CKMT2: variants seen among roughly 807,000 people sequenced by gnomAD.
CKMT2 encodes the protein creatine kinase, mitochondrial 2, also known as creatine kinase S-type, mitochondrial.
In CKMT2, 43 loss-of-function variants were observed where a neutral mutation model predicts 48.9. The observed-to-expected ratio is 0.88, with a 90% CI of 0.69 to 1.13. The LOEUF is 1.13. Ranked by LOEUF, CKMT2 falls within the 50% of genes most tolerant of loss-of-function variation. The probability of loss-of-function intolerance (pLI) is 0.00; values close to 1 mark genes in which losing one functional copy is unlikely to be tolerated. For missense variants in CKMT2, 472 were observed against 555.4 expected (o/e 0.85, Z 1.51); for synonymous variants, 206 against 213.0 (o/e 0.97, Z 0.29).
At position 81,257,778 on chromosome 5, in the gene CKMT2, T is replaced by A. The variant is rs759902901; in HGVS notation, c.801T>A (p.Asp267Glu). ...TTCTCATCTGGATAAATGAGGAGGA[T>A]CACACCAGGGTAATCTCAATGGAAA... Reference protein sequence around the residue: ...KTFLIWINEEDHTRVISMEKG... With the variant: ...KTFLIWINEEEHTRVISMEKG... Residue 267 changes from aspartate to glutamate, a missense_variant, in exon 7 of 10, where the codon GAT becomes GAA. Physicochemically the swap from Asp to Glu is conservative, Grantham distance 45. Transcript: ENST00000254035. 1.2e-6 allele frequency: 2 copies of A among 1,612,862 alleles called. No individual in the cohort carries two copies. The highest frequency in any genetic ancestry group is 2.2e-5 in the South Asian group (2 of 91,038).
In CKMT2 at chr5:81,240,124, C is replaced by T. The variant is rs369221614; in HGVS notation, c.-21+6747C>T. Among the ~76,000 whole-genome samples the T allele has an allele frequency of 2.0e-5, 3 of 152,218 alleles. No homozygotes were observed. The East Asian group carries it at 5.8e-4, about 29-fold the overall frequency. ...GTGTCATTCACCCACTTGCCCTTGA[C>T]TCACATGACCCGCTGACCGCCTGGA... is the stretch of plus-strand genomic sequence containing the variant. On this transcript the variant is annotated intron_variant, in intron 1 of 9. Transcript: ENST00000254035.
intron 1 of CKMT2, among the ~76,000 whole-genome samples, chr5:81,234,020 T>C (rs13179067): frequency 4.2e-5 from 3 of 71,580 alleles, no homozygotes; most frequent in Admixed American, 3.5e-4. Context: ...CGGAGGTTAA[T>C]TAAAAAAAAA....
chr5:81,250,461 G>A (rs1230998254), intron 1 of CKMT2, among the ~76,000 whole-genome samples: 4 of 152,190 alleles, frequency 2.6e-5, no homozygotes, highest in Admixed American at 6.5e-5. Flanking sequence ...TGATCTTTGG[G>A]AGTTCATTGT....
In CKMT2 at chr5:81,254,544, A is replaced by G. The variant is rs759486668; in HGVS notation, c.447+53A>G. 2.0e-6 allele frequency: 3 copies of G among 1,504,902 alleles called. No homozygotes were observed. The Admixed American group carries it at 5.0e-5, about 25-fold the overall frequency. The allele number at this position is 1,504,902 out of a possible 1,614,324, so 93.2% of individuals were successfully genotyped here. A position where few individuals can be genotyped will look rare whatever the true frequency, so the allele number is the denominator to read the frequency against. On this transcript the variant is annotated intron_variant, in intron 4 of 9. Coordinates refer to ENST00000254035, the MANE Select transcript of CKMT2 (RefSeq NM_001099735.2). Reference sequence around the variant, plus strand: ...CACGAAGCTGGCACTCCTGAGCCCAAGGGGAAGGCCCCTGGAGAGAGGGGT... The same window carrying G: ...CACGAAGCTGGCACTCCTGAGCCCAGGGGGAAGGCCCCTGGAGAGAGGGGT...
intron 4 of CKMT2, 86 bp from the exon 5 acceptor site, chr5:81,254,907 T>G: frequency 2.7e-6 from 3 of 1,109,242 alleles, no homozygotes; most frequent in East Asian, 2.4e-5. Flanking sequence ...CCAGGGAAAC[T>G]GCAGATTGGC....
intron 8 of CKMT2, among the ~76,000 whole-genome samples, chr5:81,259,939 C>A (rs961642983): frequency 6.6e-6 from 1 of 152,174 alleles, no homozygotes; most frequent in Non-Finnish European, 1.5e-5. Flanking sequence ...AGCATCACAT[C>A]GCACTTATTG....
At chr5:81,262,641 CG>C (rs1757263871) in intron 8 of CKMT2, among the ~76,000 whole-genome samples, 1 of 151,970 alleles carries the variant, frequency 6.6e-6, no homozygotes. Flanking sequence ...TACCATCTCA[CG>C]GCCAGTTAGA....
chr5:81,250,982 A>ACACACACACACACACACACACAC (rs1554045839), intron 1 of CKMT2, 131 bp from the exon 2 acceptor site: 3 of 415,420 alleles, frequency 7.2e-6, no homozygotes, highest in East Asian at 7.1e-5. Flanking sequence ...CACACACAGA[A>ACACACACACACACACACACACAC]AGAGAGAGAG....
At chr5:81,246,011 C>T (rs529132144) in intron 1 of CKMT2, among the ~76,000 whole-genome samples, 2 of 152,142 alleles carry the variant, frequency 1.3e-5, no homozygotes, top group Non-Finnish European at 2.9e-5. Context: ...ACTGCAAATA[C>T]ATTCTCTCTC....
At chr5:81,248,587 C>A (rs1173647867) in intron 1 of CKMT2, among the ~76,000 whole-genome samples, 1 of 152,182 alleles carries the variant, frequency 6.6e-6, no homozygotes, top group Non-Finnish European at 1.5e-5. Flanking sequence ...AAAGAAGTTT[C>A]CATGATGAGA....
chr5:81,258,341 G>C (rs569595479), intron 7 of CKMT2, among the ~76,000 whole-genome samples: 2 of 152,268 alleles, frequency 1.3e-5, no homozygotes, highest in African/African-American at 4.8e-5. Flanking sequence ...TTCCACTGTG[G>C]TTTGGGGAAG....
chr5:81,257,857 G>T lies in CKMT2; in HGVS notation c.879+1G>T, dbSNP rs1465890422. ...GCGATTCTGTCGTGGACTAAAAGAAGTAAGATGTTATCTGAGATTTCTGGA... is the reference window on the plus strand; with the variant it reads ...GCGATTCTGTCGTGGACTAAAAGAATTAAGATGTTATCTGAGATTTCTGGA... On this transcript the variant is annotated splice_donor_variant, in intron 7 of 9. Coordinates refer to ENST00000254035, the MANE Select transcript of CKMT2 (RefSeq NM_001099735.2). LOFTEE classifies it high-confidence loss of function. 1 of 1,609,542 alleles carries T rather than the reference G, an allele frequency of 6.2e-7. No homozygotes were observed. The highest frequency in any genetic ancestry group is 8.5e-7 in the Non-Finnish European group (1 of 1,178,102).
chr5:81,255,941 C>A (rs1756994206), intron 5 of CKMT2, among the ~76,000 whole-genome samples: 1 of 152,120 alleles, frequency 6.6e-6, no homozygotes, highest in Non-Finnish European at 1.5e-5. Flanking sequence ...ACAGAACAAG[C>A]CCTCCTCCAC....
At chr5:81,264,366 C>G (rs929916586) in intron 9 of CKMT2, among the ~76,000 whole-genome samples, 31 of 152,346 alleles carry the variant, frequency 2.0e-4, no homozygotes, top group African/African-American at 7.2e-4. Context: ...CTTCTCATAA[C>G]AAAACCCTTA....
chr5:81,263,578 TACG>T lies in CKMT2; in HGVS notation c.1105_1107del (p.Asp369del), dbSNP rs769151167. The stretch of plus-strand genomic sequence containing the variant: ...GGACACTGCCGCGGTCGCAGATGTG[TACG>T]ACATTTCCAACATAGATAGAATTGG... On this transcript the variant is annotated inframe_deletion, in exon 9 of 10. Transcript: ENST00000254035. 22 of 1,612,774 alleles carry T rather than the reference TACG, an allele frequency of 1.4e-5. No homozygotes were observed. Among genetic ancestry groups the T allele is most frequent in the Non-Finnish European group, 1.9e-5 (22 of 1,179,216 alleles).
chr5:81,262,828 G>A (rs1031561366), intron 8 of CKMT2, among the ~76,000 whole-genome samples: 3 of 152,202 alleles, frequency 2.0e-5, no homozygotes, highest in Non-Finnish European at 4.4e-5. Context: ...CCATTACTGG[G>A]TATATACCCA....
chr5:81,262,177 T>C lies in CKMT2; in HGVS notation c.1015-1314T>C, dbSNP rs141100829. ...AACTGGACCCCTTCCTTACACTTTA[T>C]ACAAAAAGTAACTCAAGATGGATTA... is the stretch of plus-strand genomic sequence containing the variant. On this transcript the variant is annotated intron_variant, in intron 8 of 9. Coordinates refer to ENST00000254035, the MANE Select transcript of CKMT2 (RefSeq NM_001099735.2). Among the ~76,000 whole-genome samples, 1,053 of 152,218 alleles carry C rather than the reference T, an allele frequency of 6.9e-3. 9 individuals are homozygous for C. Among genetic ancestry groups the C allele is most frequent in the African/African-American group, 0.024 (1,005 of 41,538 alleles).
intron 7 of CKMT2, 72 bp downstream of exon 7, chr5:81,257,928 A>G: frequency 6.9e-7 from 1 of 1,442,868 alleles, no homozygotes; most frequent in African/African-American, 1.4e-5. Flanking sequence ...TTGAAAGAAG[A>G]CACTATGGTA....
chr5:81,237,789 G>A (rs557101304), intron 1 of CKMT2: 5 of 151,924 alleles, frequency 3.3e-5, no homozygotes, highest in African/African-American at 4.8e-5. Flanking sequence ...AATTGCAACC[G>A]CTCATATTCA....
Sources: allele counts gnomAD v4.1 joint callset (sites outside exome capture counted in the v4.1 genomes callset), GRCh38; gene constraint gnomAD v4.1.1; transcripts MANE v1.5; gene names NCBI Gene and HGNC (gene_info 2026-07-23, HGNC 2026-07-21).